Variants in ANKRD31 observed in about 807,000 individuals in gnomAD.
ANKRD31 encodes ankyrin repeat domain 31, also known as ankyrin repeat domain-containing protein 31.
A neutral mutation model predicts 186.0 loss-of-function variants in ANKRD31; 147 were observed. That is an observed-to-expected ratio of 0.79 (90% CI 0.69 to 0.91). The LOEUF is 0.91. Ranked by LOEUF, ANKRD31 falls within the 40% of genes least tolerant of loss-of-function variation. ANKRD31 has a pLI of 0.00. For missense variants in ANKRD31, 1,986 were observed against 2,148.8 expected (o/e 0.92, Z 1.50); for synonymous variants, 673 against 736.4 (o/e 0.91, Z 1.39).
chr5:75,221,876 G>A (rs748399353), intron 3 of ANKRD31, among the ~76,000 whole-genome samples: 2 of 152,078 alleles, frequency 1.3e-5, no homozygotes, highest in African/African-American at 2.4e-5. Context: ...TAACAATACA[G>A]TATATAATAC....
chr5:75,213,696 CTTG>C (rs879625352), intron 3 of ANKRD31, among the ~76,000 whole-genome samples: 14 of 152,096 alleles, frequency 9.2e-5, no homozygotes, highest in Non-Finnish European at 1.6e-4. Context: ...GTAGAGTTTT[CTTG>C]TTGTTTTTTT....
chr5:75,231,051 C>CAT (rs1168507603), intron 1 of ANKRD31, among the ~76,000 whole-genome samples: 1 of 151,940 alleles, frequency 6.6e-6, no homozygotes, highest in Non-Finnish European at 1.5e-5. Flanking sequence ...TATATATTTT[C>CAT]ATAGTATGCA....
chr5:75,184,931 C>T (rs1337367280), intron 10 of ANKRD31, among the ~76,000 whole-genome samples: 3 of 152,216 alleles, frequency 2.0e-5, no homozygotes, highest in Non-Finnish European at 2.9e-5. Context: ...TAGCACTATT[C>T]ACAATAGCCA....
intron 10 of ANKRD31, among the ~76,000 whole-genome samples, chr5:75,182,761 G>T (rs1212121819): frequency 6.6e-6 from 1 of 150,624 alleles, no homozygotes; most frequent in Non-Finnish European, 1.5e-5. Flanking sequence ...ATAGAAATGA[G>T]AAAATAACCA....
At chr5:75,084,545 G>C (rs1176501534) in intron 23 of ANKRD31, among the ~76,000 whole-genome samples, 171 bp from the exon 24 acceptor site, 1 of 152,114 alleles carries the variant, frequency 6.6e-6, no homozygotes, top group Non-Finnish European at 1.5e-5. Context: ...TGTAAATAAT[G>C]TTTTATTGGA....
chr5:75,192,668 T>C lies in ANKRD31; in HGVS notation c.1407A>G (p.Lys469=), dbSNP rs1010976248. The change falls in exon 9 of 26, where the codon AAA becomes AAG. Residue 469 remains lysine, a splice_region_variant and synonymous_variant. Coordinates refer to ENST00000506364, the MANE Select transcript of ANKRD31 (RefSeq NM_001372053.1). ...AAAAATACTCAAAATATGCATCACC[T>C]TTTTTTCCTGAAAATTGTTCATTTT... The part of the protein sequence containing the change: ...IRKNEQFSGK[K]EKMKVNKISL... The C allele has an allele frequency of 6.0e-6, 9 of 1,507,218 alleles. No individual in the cohort carries two copies. In the Admixed American group the frequency reaches 1.2e-4, roughly 20 times the overall value. 93.4% of individuals were successfully genotyped at this position (1,507,218 alleles called of 1,614,324 possible).
chr5:75,068,396 C>T lies in ANKRD31; in HGVS notation c.*123G>A, dbSNP rs1342576389. The stretch of plus-strand genomic sequence containing the variant: ...ATACATCTTAAGAACAGTAAACATA[C>T]ATCCTAAATAGCAACTCATAAAGTG... On this transcript the variant is annotated 3_prime_UTR_variant, in exon 26 of 26. Coordinates refer to ENST00000506364, the MANE Select transcript of ANKRD31 (RefSeq NM_001372053.1). 6 of 888,808 alleles carry T rather than the reference C, an allele frequency of 6.8e-6. No individual in the cohort carries two copies. Among genetic ancestry groups the T allele is most frequent in the Non-Finnish European group, 9.3e-6 (6 of 643,686 alleles). 55.1% of individuals were successfully genotyped at this position (888,808 alleles called of 1,614,324 possible). A position where few individuals can be genotyped will look rare whatever the true frequency, so the allele number is the denominator to read the frequency against.
In ANKRD31 at chr5:75,068,398, T is replaced by C; in HGVS notation, c.*121A>G. 1 of 916,658 alleles carries C rather than the reference T, an allele frequency of 1.1e-6. No individual in the cohort carries two copies. Among genetic ancestry groups the C allele is most frequent in the Admixed American group, 3.7e-5 (1 of 26,866 alleles). 56.8% of individuals were successfully genotyped at this position (916,658 alleles called of 1,614,324 possible). On this transcript the variant is annotated 3_prime_UTR_variant, in exon 26 of 26. Transcript: ENST00000506364. ...ACATCTTAAGAACAGTAAACATACA[T>C]CCTAAATAGCAACTCATAAAGTGTA...
At chr5:75,233,133 G>A (rs1431503882) in intron 1 of ANKRD31, among the ~76,000 whole-genome samples, 4 of 151,340 alleles carry the variant, frequency 2.6e-5, no homozygotes, top group African/African-American at 9.7e-5. Context: ...TATAATCGCA[G>A]CTTACTGCAA....
intron 25 of ANKRD31, among the ~76,000 whole-genome samples, chr5:75,079,423 C>T (rs977659575): frequency 2.6e-5 from 4 of 150,986 alleles, no homozygotes; most frequent in East Asian, 1.9e-4. Context: ...AGGGAGAATT[C>T]GCTTTTAAAT....
Position 75,146,081 on chromosome 5 carries a change from A to T in ANKRD31, c.3330T>A (p.Asn1110Lys). 6.5e-7 allele frequency: 1 copy of T among 1,534,548 alleles called. No homozygotes were observed. Among genetic ancestry groups the T allele is most frequent in the Non-Finnish European group, 8.7e-7 (1 of 1,145,670 alleles). Residue 1110 changes from asparagine to lysine, a missense_variant, in exon 14 of 26, where the codon AAT (asparagine) becomes AAA (lysine). Asn to Lys is a moderately conservative substitution (Grantham distance 94). Transcript: ENST00000506364. ...QNHLESETIH[N>K]IDSHSTDNMS... is the part of the protein sequence containing the mutation. ...TATTGTCAGTGGAATGAGAATCTATATTGTGTATAGTCTCACTTTCTAGAT... is the reference window on the plus strand; with the variant it reads ...TATTGTCAGTGGAATGAGAATCTATTTTGTGTATAGTCTCACTTTCTAGAT...
chr5:75,147,235 T>C lies in ANKRD31; in HGVS notation c.2176A>G (p.Lys726Glu), dbSNP rs767690161. Residue 726 changes from lysine (K) to glutamate (E), a missense_variant, in exon 14 of 26, where the codon AAA (lysine) becomes GAA (glutamate). Lys to Glu is a moderately conservative substitution (Grantham distance 56). Coordinates refer to ENST00000506364, the MANE Select transcript of ANKRD31 (RefSeq NM_001372053.1). ...TGTGTTTTTCTTCTTCCTATACCTT[T>C]TGGTACGTTTGTGTTGGGATCTTTG... ...NVKDPNTNVP[K>E]GIGRRKTQHK... 5.9e-6 allele frequency: 9 copies of C among 1,536,340 alleles called. No homozygotes were observed. In the South Asian group the frequency reaches 9.5e-5, roughly 16 times the overall value.
At chr5:75,154,111 A>C in intron 12 of ANKRD31, 90 bp downstream of exon 12, 1 of 1,242,820 alleles carries the variant, frequency 8.0e-7, no homozygotes, top group East Asian at 2.7e-5. Flanking sequence ...CACTCATGAG[A>C]AAAATAAATT....
At chr5:75,090,534 T>C (rs975191882) in intron 23 of ANKRD31, among the ~76,000 whole-genome samples, 1 of 152,190 alleles carries the variant, frequency 6.6e-6, no homozygotes, top group Non-Finnish European at 1.5e-5. Context: ...ACTGTAATAG[T>C]AGAGGTTGAG....
At chr5:75,098,008 T>C (rs1388833620) in intron 22 of ANKRD31, among the ~76,000 whole-genome samples, 2 of 152,096 alleles carry the variant, frequency 1.3e-5, no homozygotes, top group South Asian at 4.1e-4. Context: ...TTGTGTTCCA[T>C]TGGTCGTCTA....
At chr5:75,113,994 G>A (rs1399600662) in intron 19 of ANKRD31, among the ~76,000 whole-genome samples, 3 of 152,160 alleles carry the variant, frequency 2.0e-5, no homozygotes, top group Admixed American at 6.5e-5. Flanking sequence ...CTCGGACACT[G>A]TGGGCCAAGA....
intron 17 of ANKRD31, among the ~76,000 whole-genome samples, chr5:75,122,395 TG>T (rs1748867045): frequency 6.6e-6 from 1 of 151,200 alleles, no homozygotes; most frequent in African/African-American, 2.4e-5. Flanking sequence ...AAAAAAAAAC[TG>T]AGCAGGAGAG....
intron 17 of ANKRD31, among the ~76,000 whole-genome samples, chr5:75,128,304 T>A (rs1464560802): frequency 7.4e-6 from 1 of 135,296 alleles, no homozygotes; most frequent in Non-Finnish European, 1.6e-5. Flanking sequence ...AAATACCTAA[T>A]GTAGATGGTG....
At chr5:75,130,781 GT>G (rs1336762158) in intron 17 of ANKRD31, among the ~76,000 whole-genome samples, 1 of 149,190 alleles carries the variant, frequency 6.7e-6, no homozygotes, top group Non-Finnish European at 1.5e-5. Flanking sequence ...TGATTGGTGC[GT>G]TTACAATCCT....
Sources: allele counts gnomAD v4.1 joint callset (sites outside exome capture counted in the v4.1 genomes callset), GRCh38; gene constraint gnomAD v4.1.1; transcripts MANE v1.5; gene names NCBI Gene and HGNC (gene_info 2026-07-23, HGNC 2026-07-21).